The following GPBP1 variants were observed in gnomAD, a reference collection of about 807,000 sequenced individuals.
The protein encoded by GPBP1 is GC-rich promoter binding protein 1.
Under a neutral mutation model 56.5 loss-of-function variants are expected in GPBP1, and 13 were observed. The ratio of observed to expected loss-of-function variants is 0.23; its 90% CI spans 0.15 to 0.37. The LOEUF is 0.37. Ranked by LOEUF, GPBP1 falls within the 10% of genes least tolerant of loss-of-function variation. The probability of loss-of-function intolerance (pLI) is 1.00; values close to 1 mark genes in which losing one functional copy is unlikely to be tolerated. For synonymous variants in GPBP1, 204 were observed against 188.9 expected, an observed-to-expected ratio of 1.08 and a Z score of -0.66; for missense variants, 477 against 572.3, an observed-to-expected ratio of 0.83 and a Z score of 1.70.
At chr5:57,188,392 A>G (rs1754381458) in intron 2 of GPBP1, among the ~76,000 whole-genome samples, 1 of 152,130 alleles carries the variant, frequency 6.6e-6, no homozygotes, top group African/African-American at 2.4e-5. Context: ...TCCATATTCC[A>G]GGCTTATAGC....
intron 6 of GPBP1, among the ~76,000 whole-genome samples, chr5:57,243,043 C>G (rs1740907491): frequency 6.6e-6 from 1 of 151,244 alleles, no homozygotes; most frequent in Non-Finnish European, 1.5e-5. Context: ...GCCACTGCGC[C>G]CGGCCTAATA....
At chr5:57,234,586 T>TAA (rs138591125) in intron 5 of GPBP1, among the ~76,000 whole-genome samples, 1 of 152,046 alleles carries the variant, frequency 6.6e-6, no homozygotes, top group Non-Finnish European at 1.5e-5. Context: ...AAGTTTTTAT[T>TAA]AAAAAATTAA....
chr5:57,220,724 T>C (rs1449585162), intron 3 of GPBP1, among the ~76,000 whole-genome samples: 10 of 152,164 alleles, frequency 6.6e-5, no homozygotes, highest in Admixed American at 5.9e-4. Flanking sequence ...CCTCTCATAG[T>C]GCTAGGATTA....
chr5:57,248,820 AT>A (rs1168475963), intron 8 of GPBP1: 1 of 152,240 alleles, frequency 6.6e-6, no homozygotes, highest in Non-Finnish European at 1.5e-5. Context: ...TATAATATAC[AT>A]ACATTAATGC....
At chr5:57,249,382 T>C (rs1741253274) in intron 8 of GPBP1, 27 bp from the exon 9 acceptor site, 2 of 1,539,068 alleles carry the variant, frequency 1.3e-6, no homozygotes, top group African/African-American at 2.8e-5. Context: ...GCTACATATT[T>C]ATCAGTATTT....
chr5:57,245,853 T>C (rs1482948467), intron 6 of GPBP1: 1 of 152,572 alleles, frequency 6.6e-6, no homozygotes, highest in Non-Finnish European at 1.5e-5. Context: ...ATTTCTTGCT[T>C]ATTGGTAATA....
chr5:57,216,945 A>G (rs1197302207), intron 3 of GPBP1, among the ~76,000 whole-genome samples: 2 of 151,864 alleles, frequency 1.3e-5, no homozygotes, highest in African/African-American at 4.8e-5. Flanking sequence ...CAATATCGTT[A>G]TATATTAGGA....
At chr5:57,197,268 A>G (rs910062797) in intron 2 of GPBP1, among the ~76,000 whole-genome samples, 1 of 151,952 alleles carries the variant, frequency 6.6e-6, no homozygotes, top group Non-Finnish European at 1.5e-5. Flanking sequence ...GAGGAGAAGA[A>G]TCATTATAGA....
intron 10 of GPBP1, 38 bp downstream of exon 10, chr5:57,251,179 G>A (rs561251539): frequency 2.0e-6 from 3 of 1,492,214 alleles, no homozygotes; most frequent in African/African-American, 1.4e-5. Context: ...AGCATTTTCT[G>A]TATTCGAGAT....
chr5:57,226,553 C>CTTTTTTTTT (rs34180383), intron 3 of GPBP1, among the ~76,000 whole-genome samples: 34 of 62,126 alleles, frequency 5.5e-4, no homozygotes, highest in African/African-American at 1.1e-3. Flanking sequence ...AGCATTTTTG[C>CTTTTTTTTT]TTTTTTTTTT....
intron 3 of GPBP1, among the ~76,000 whole-genome samples, chr5:57,215,250 T>C (rs758951729): frequency 6.6e-6 from 1 of 152,240 alleles, no homozygotes; most frequent in Non-Finnish European, 1.5e-5. Flanking sequence ...GAATTATTCT[T>C]AGTCCCTGCT....
chr5:57,254,205 C>T (rs1741530030), intron 10 of GPBP1, among the ~76,000 whole-genome samples: 1 of 152,218 alleles, frequency 6.6e-6, no homozygotes, highest in South Asian at 2.1e-4. Context: ...GGATTACAGC[C>T]ACCATGCCCA....
At chr5:57,260,236 C>T (rs1429178116) in intron 10 of GPBP1, among the ~76,000 whole-genome samples, 2 of 152,176 alleles carry the variant, frequency 1.3e-5, no homozygotes, top group African/African-American at 4.8e-5. Context: ...AGGGCACTAA[C>T]AAGATTAATT....
At chr5:57,258,462 A>C (rs1300729797) in intron 10 of GPBP1, among the ~76,000 whole-genome samples, 2 of 152,214 alleles carry the variant, frequency 1.3e-5, no homozygotes, top group Non-Finnish European at 1.5e-5. Context: ...TTGTAATCAT[A>C]ATACAGTGGT....
chr5:57,242,053 A>G (rs564112994), intron 6 of GPBP1, among the ~76,000 whole-genome samples: 6 of 152,360 alleles, frequency 3.9e-5, no homozygotes, highest in East Asian at 1.9e-4. Context: ...ACCATTAAGA[A>G]CACTTCTTTT....
rs1482074688 is a variant in GPBP1, at chr5:57,233,552, T to C, written c.411+2231T>C. On this transcript the variant is annotated intron_variant, in intron 5 of 11. Coordinates refer to ENST00000506184, the MANE Select transcript of GPBP1 (RefSeq NM_022913.4). ...TTATAATATAAACAGTTAACACATATTTTGTATGTGTATTGTATACTGTAT... is the reference window on the plus strand; with the variant it reads ...TTATAATATAAACAGTTAACACATACTTTGTATGTGTATTGTATACTGTAT... Among the ~76,000 whole-genome samples the C allele has an allele frequency of 2.6e-5, 4 of 152,142 alleles. No individual in the cohort carries two copies. The East Asian group carries it at 5.8e-4, about 22-fold the overall frequency.
chr5:57,239,555 C>CTGAT (rs1317549411), intron 6 of GPBP1, among the ~76,000 whole-genome samples: 1 of 151,008 alleles, frequency 6.6e-6, no homozygotes, highest in Admixed American at 6.6e-5. Context: ...CCAAGGTGGG[C>CTGAT]TGATCATCAG....
At chr5:57,175,225 A>G (rs575974905) in intron 1 of GPBP1, among the ~76,000 whole-genome samples, 5 of 152,298 alleles carry the variant, frequency 3.3e-5, no homozygotes, top group African/African-American at 7.2e-5. Context: ...CTTGCCCTCC[A>G]TAATACCGTC....
At chr5:57,223,748 T>C (rs1425953795) in intron 3 of GPBP1, among the ~76,000 whole-genome samples, 2 of 150,400 alleles carry the variant, frequency 1.3e-5, no homozygotes, top group African/African-American at 4.9e-5. Context: ...TGTGAGAATG[T>C]AGACATTTTA....
Sources: allele counts gnomAD v4.1 joint callset (sites outside exome capture counted in the v4.1 genomes callset), GRCh38; gene constraint gnomAD v4.1.1; transcripts MANE v1.5; gene names NCBI Gene and HGNC (gene_info 2026-07-23, HGNC 2026-07-21).